The following RPS6KA5 variants were observed in gnomAD, a reference collection of about 807,000 sequenced individuals.
RPS6KA5 encodes ribosomal protein S6 kinase A5, also known as ribosomal protein S6 kinase alpha-5.
Under a neutral mutation model 85.5 loss-of-function variants are expected in RPS6KA5, and 27 were observed. The observed-to-expected ratio is 0.32, with a 90% CI of 0.23 to 0.44. The LOEUF is 0.44. Among genes scored for constraint, RPS6KA5 ranks in the 20% least tolerant of loss-of-function variants. The pLI is 1.00. For missense variants in RPS6KA5, 811 were observed against 980.9 expected, an observed-to-expected ratio of 0.83 and a Z score of 2.31; for synonymous variants, 334 against 348.2, an observed-to-expected ratio of 0.96 and a Z score of 0.46.
intron 1 of RPS6KA5, among the ~76,000 whole-genome samples, chr14:91,046,739 T>A (rs1228856848): frequency 6.6e-6 from 1 of 152,132 alleles, no homozygotes; most frequent in Non-Finnish European, 1.5e-5. Context: ...TAGCATTCTT[T>A]TAAGTATGCC....
At position 90,947,486 on chromosome 14, in the gene RPS6KA5, C is replaced by T; in HGVS notation, c.459G>A (p.Glu153=). ...LSQRERFTEH[E]VQIYVGEIVL... ...CAATCTCTCCAACATAAATCTGCAC[C>T]TCATGCTCTGTGAAACGCTCTCTTT... Residue 153 remains glutamate (E), a synonymous_variant, in exon 4 of 17, where the codon GAG becomes GAA. Coordinates refer to ENST00000614987, the MANE Select transcript of RPS6KA5 (RefSeq NM_004755.4). 1 of 1,612,978 alleles carries T rather than the reference C, an allele frequency of 6.2e-7. No individual in the cohort carries two copies. Among genetic ancestry groups the T allele is most frequent in the African/African-American group, 1.3e-5 (1 of 75,000 alleles).
At position 90,890,577 on chromosome 14, in the gene RPS6KA5, T is replaced by C. The variant is rs1167673741; in HGVS notation, c.1746A>G (p.Pro582=). Residue 582 remains proline (P), a synonymous_variant, in exon 14 of 17, where the codon CCA becomes CCG. Transcript: ENST00000614987. ...KPPDNQPLKT[P]CFTLHYAAPE... ...GGGCGGCATAATGAAGGGTGAAGCA[T>C]GGAGTCTTCAGGGGCTGATTATCCG... 3 of 1,614,086 alleles carry C rather than the reference T, an allele frequency of 1.9e-6. No individual in the cohort carries two copies. The highest frequency in any genetic ancestry group is 2.5e-6 in the Non-Finnish European group (3 of 1,180,036).
At chr14:90,936,079 T>C (rs1361292082) in intron 5 of RPS6KA5, among the ~76,000 whole-genome samples, 1 of 152,194 alleles carries the variant, frequency 6.6e-6, no homozygotes, top group Non-Finnish European at 1.5e-5. Context: ...AAAAATTCTA[T>C]GGAAGATATA....
At chr14:90,946,788 C>T (rs1023513816) in intron 4 of RPS6KA5, among the ~76,000 whole-genome samples, 1 of 152,100 alleles carries the variant, frequency 6.6e-6, no homozygotes, top group Non-Finnish European at 1.5e-5. Flanking sequence ...AACAAAAAAC[C>T]GAGTGAAAAT....
At chr14:91,045,260 C>CT (rs557182210) in intron 1 of RPS6KA5, among the ~76,000 whole-genome samples, 17,168 of 132,836 alleles carry the variant, frequency 0.13, 1,421 homozygotes, top group East Asian at 0.31. Flanking sequence ...TCTGCTGATT[C>CT]TTTTTTTTTT....
At position 90,865,800 on chromosome 14, in the gene RPS6KA5, T is replaced by A. The variant is rs1364093931; in HGVS notation, c.*6274A>T. The A allele has an allele frequency of 1.3e-5, 2 of 152,104 alleles. No individual in the cohort carries two copies. The highest frequency in any genetic ancestry group is 2.9e-5 in the Non-Finnish European group (2 of 68,020). 9.4% of individuals were successfully genotyped at this position (152,104 alleles called of 1,614,324 possible). ...GCACTTTATGAAGCTTATAAGTTCC[T>A]TTATGTACACAGTAGACAAAGCCTT... On this transcript the variant is annotated 3_prime_UTR_variant, in exon 17 of 17. Coordinates refer to ENST00000614987, the MANE Select transcript of RPS6KA5 (RefSeq NM_004755.4).
chr14:90,899,471 T>G (rs766598253), intron 11 of RPS6KA5, 49 bp from the exon 12 acceptor site: 2 of 1,282,542 alleles, frequency 1.6e-6, no homozygotes, highest in African/African-American at 2.9e-5. Flanking sequence ...AGAAAGTTTT[T>G]ATATCAGTAC....
intron 1 of RPS6KA5, among the ~76,000 whole-genome samples, chr14:91,046,703 T>TG (rs1184450973): frequency 6.6e-6 from 1 of 152,210 alleles, no homozygotes; most frequent in Non-Finnish European, 1.5e-5. Context: ...GACAGACCTG[T>TG]GTATGATTCT....
chr14:91,019,076 T>C lies in RPS6KA5; in HGVS notation c.104-17917A>G, dbSNP rs567132700. Among the ~76,000 whole-genome samples the C allele has an allele frequency of 1.3e-3, 191 of 152,232 alleles. No homozygotes were observed. The Middle Eastern group carries it at 0.02, about 16-fold the overall frequency. ...TTTTGTACACAGGATAGCTGTATCA[T>C]GTTAGGCAGATTTATGTCGGTGTTT... On this transcript the variant is annotated intron_variant, in intron 1 of 16. Transcript: ENST00000614987.
intron 5 of RPS6KA5, among the ~76,000 whole-genome samples, chr14:90,936,162 G>A (rs1348838955): frequency 6.6e-6 from 1 of 152,186 alleles, no homozygotes; most frequent in Non-Finnish European, 1.5e-5. Flanking sequence ...TTCTGGTTGA[G>A]AACAGAACAG....
At chr14:90,878,177 C>T (rs887981425) in intron 14 of RPS6KA5, among the ~76,000 whole-genome samples, 1 of 152,216 alleles carries the variant, frequency 6.6e-6, no homozygotes, top group African/African-American at 2.4e-5. Flanking sequence ...TCATGTATCA[C>T]TGTATCCCCT....
intron 15 of RPS6KA5, 150 bp downstream of exon 15, chr14:90,875,051 G>C: frequency 4.0e-6 from 3 of 743,170 alleles, no homozygotes; most frequent in South Asian, 4.0e-5. Flanking sequence ...GTTCTGATAA[G>C]AAAACAAGGC....
At chr14:91,009,855 G>A (rs1281464647) in intron 1 of RPS6KA5, among the ~76,000 whole-genome samples, 1 of 152,130 alleles carries the variant, frequency 6.6e-6, no homozygotes, top group Non-Finnish European at 1.5e-5. Context: ...GGAAAGGCAA[G>A]TCTTGATGAT....
intron 1 of RPS6KA5, among the ~76,000 whole-genome samples, chr14:91,004,625 A>AT (rs1169933352): frequency 1.3e-5 from 2 of 152,252 alleles, no homozygotes; most frequent in Non-Finnish European, 2.9e-5. Flanking sequence ...AGTTTGATGA[A>AT]TTTTGGTAAT....
At chr14:90,973,295 T>C (rs776189958) in intron 3 of RPS6KA5, among the ~76,000 whole-genome samples, 1 of 151,750 alleles carries the variant, frequency 6.6e-6, no homozygotes, top group Non-Finnish European at 1.5e-5. Context: ...ATACAAAAAT[T>C]AGCCAGGTGT....
rs2032613240 is a variant in RPS6KA5, at chr14:90,862,526, G to A, written c.*9548C>T. ...TCTGTTGCCCAGGTGGGAGTACAGT[G>A]GTACAATCTTGGTTCACTGCAACTT... On this transcript the variant is annotated 3_prime_UTR_variant, in exon 17 of 17. Coordinates refer to ENST00000614987, the MANE Select transcript of RPS6KA5 (RefSeq NM_004755.4). 6.6e-6 allele frequency: 1 copy of A among 151,660 alleles called. No individual in the cohort carries two copies. 9.4% of individuals were successfully genotyped at this position (151,660 alleles called of 1,614,324 possible).
chr14:90,963,632 T>C lies in RPS6KA5; in HGVS notation c.394+14674A>G, dbSNP rs563451355. Among the ~76,000 whole-genome samples the C allele has an allele frequency of 6.1e-4, 93 of 152,288 alleles. 1 individual carries two copies. In the South Asian group the frequency reaches 6.8e-3, roughly 11 times the overall value. On this transcript the variant is annotated intron_variant, in intron 3 of 16. Transcript: ENST00000614987. ...ATCTTGTACTTTTCAAGGCTTTATT[T>C]TAATATCACCACCACTCATGGATCA...
intron 1 of RPS6KA5, among the ~76,000 whole-genome samples, chr14:91,003,117 A>G (rs531239442): frequency 1.4e-4 from 21 of 152,242 alleles, no homozygotes; most frequent in Non-Finnish European, 2.5e-4. Flanking sequence ...AAAAAAGCTT[A>G]AGAGATTATT....
At chr14:90,926,666 T>A (rs938840529) in intron 5 of RPS6KA5, among the ~76,000 whole-genome samples, 1 of 145,552 alleles carries the variant, frequency 6.9e-6, no homozygotes, top group Non-Finnish European at 1.5e-5. Context: ...TATATTTAAG[T>A]GTGTGTGTGT....
Sources: gnomAD v4.1 joint callset for allele counts (sites outside exome capture counted in the v4.1 genomes callset) on GRCh38, gnomAD v4.1.1 for gene constraint, MANE v1.5 for transcripts, NCBI Gene and HGNC (gene_info 2026-07-23, HGNC 2026-07-21) for gene names.